Variants in ZFHX3 observed in about 807,000 individuals in gnomAD.
The protein encoded by ZFHX3 is zinc finger homeobox 3, also known as zinc finger homeobox protein 3.
Under a neutral mutation model 279.1 loss-of-function variants are expected in ZFHX3, and 42 were observed. The observed-to-expected ratio is 0.15, with a 90% CI of 0.12 to 0.19. The LOEUF is 0.19. Ranked by LOEUF, ZFHX3 falls within the 10% of genes least tolerant of loss-of-function variation. The pLI is 1.00. For missense variants in ZFHX3, 4,981 were observed against 4,754.0 expected (o/e 1.05, Z -1.40); for synonymous variants, 2,293 against 1,957.8 (o/e 1.17, Z -4.52).
intron 1 of ZFHX3, among the ~76,000 whole-genome samples, chr16:73,755,574 T>A (rs754319506): frequency 1.3e-5 from 2 of 152,160 alleles, no homozygotes; most frequent in Non-Finnish European, 2.9e-5. Flanking sequence ...AAATGCAGTA[T>A]CCTTATAACA....
At chr16:72,986,702 T>C (rs1468840172) in intron 1 of ZFHX3, among the ~76,000 whole-genome samples, 2 of 152,194 alleles carry the variant, frequency 1.3e-5, no homozygotes, top group Non-Finnish European at 2.9e-5. Flanking sequence ...TATTTTTCAA[T>C]ATAAGTAGGC....
chr16:72,899,847 T>C (rs1028534771), intron 3 of ZFHX3, among the ~76,000 whole-genome samples: 1 of 152,200 alleles, frequency 6.6e-6, no homozygotes, highest in Non-Finnish European at 1.5e-5. Flanking sequence ...CTATTACTAA[T>C]GTTATTTTTC....
chr16:73,781,802 C>A (rs1959482483), intron 1 of ZFHX3, among the ~76,000 whole-genome samples: 1 of 152,130 alleles, frequency 6.6e-6, no homozygotes, highest in Non-Finnish European at 1.5e-5. Flanking sequence ...GCCTGACCAA[C>A]ATAGTGAAAC....
In ZFHX3 at chr16:72,861,475, C is replaced by T. The variant is rs545542138; in HGVS notation, c.3448+28256G>A. On this transcript the variant is annotated intron_variant, in intron 4 of 9. Coordinates refer to ENST00000268489, the MANE Select transcript of ZFHX3 (RefSeq NM_006885.4). ...GAAAAAGAGACTGTTTCCCCATCCACGTGCACATTTCATTACACCAGTGAA... is the reference window on the plus strand; with the variant it reads ...GAAAAAGAGACTGTTTCCCCATCCATGTGCACATTTCATTACACCAGTGAA... Among the ~76,000 whole-genome samples the T allele has an allele frequency of 4.6e-5, 7 of 152,226 alleles. No individual in the cohort carries two copies. In the East Asian group the frequency reaches 9.7e-4, roughly 21 times the overall value.
At chr16:73,441,278 A>G (rs530038553) in intron 3 of ZFHX3, among the ~76,000 whole-genome samples, 120 of 152,334 alleles carry the variant, frequency 7.9e-4, no homozygotes, top group African/African-American at 2.6e-3. Flanking sequence ...AATAAAGGGT[A>G]TAATAATTAC....
intron 5 of ZFHX3, among the ~76,000 whole-genome samples, chr16:73,230,141 T>C (rs1414703046): frequency 6.6e-6 from 1 of 152,182 alleles, no homozygotes; most frequent in Non-Finnish European, 1.5e-5. Flanking sequence ...GATGAATAGA[T>C]GACTTGGAAG....
At chr16:73,235,677 A>G (rs1300877054) in intron 5 of ZFHX3, among the ~76,000 whole-genome samples, 2 of 148,522 alleles carry the variant, frequency 1.3e-5, no homozygotes, top group Non-Finnish European at 3.0e-5. Context: ...AAATATATCA[A>G]TTGTTTTTTT....
Position 73,389,760 on chromosome 16 carries a change from G to C in ZFHX3, c.-1291+66243C>G, listed in dbSNP as rs1002855829. 1.3e-5 allele frequency among the ~76,000 whole-genome samples: 2 copies of C among 152,206 alleles called. 1 individual carries two copies. The highest frequency in any genetic ancestry group is 4.1e-4 in the South Asian group (2 of 4,828). Reference sequence around the variant, plus strand: ...TGGGGCCAGTCAGGAAAAGGGGGACGATCCTTTTTGAAAAATCGGCCAGGC... The same window carrying C: ...TGGGGCCAGTCAGGAAAAGGGGGACCATCCTTTTTGAAAAATCGGCCAGGC... On this transcript the variant is annotated intron_variant, in intron 3 of 17. Transcript: ENST00000641206.
intron 2 of ZFHX3, among the ~76,000 whole-genome samples, chr16:73,508,337 A>G (rs531640761): frequency 6.6e-6 from 1 of 152,124 alleles, no homozygotes; most frequent in East Asian, 1.9e-4. Flanking sequence ...CTCTTTACTC[A>G]TCTAAAAAGA....
At chr16:73,422,599 T>C (rs763471229) in intron 3 of ZFHX3, among the ~76,000 whole-genome samples, 5 of 152,214 alleles carry the variant, frequency 3.3e-5, no homozygotes, top group Non-Finnish European at 7.3e-5. Flanking sequence ...GCCTCATGAC[T>C]TCTTAGCACC....
intron 7 of ZFHX3, among the ~76,000 whole-genome samples, chr16:72,800,446 A>T (rs2036061542): frequency 6.6e-6 from 1 of 152,236 alleles, no homozygotes; most frequent in Non-Finnish European, 1.5e-5. Context: ...CTTCTTGTGC[A>T]ACCAATTAGG....
intron 7 of ZFHX3, among the ~76,000 whole-genome samples, chr16:73,097,817 T>C (rs1379965250): frequency 1.3e-5 from 2 of 152,234 alleles, no homozygotes; most frequent in African/African-American, 2.4e-5. Context: ...TTCACATAAA[T>C]GGCGCTGTAC....
At chr16:73,786,659 T>C (rs1597115178) in intron 1 of ZFHX3, among the ~76,000 whole-genome samples, 2 of 152,178 alleles carry the variant, frequency 1.3e-5, no homozygotes, top group Non-Finnish European at 2.9e-5. Context: ...TTCATTCCCA[T>C]GTGCATGGAA....
intron 7 of ZFHX3, among the ~76,000 whole-genome samples, chr16:73,109,430 A>T (rs1448265934): frequency 2.6e-5 from 4 of 152,142 alleles, no homozygotes; most frequent in Non-Finnish European, 4.4e-5. Flanking sequence ...GGCCATCTCC[A>T]CCCGTTTCTT....
At position 72,787,702 on chromosome 16, in the gene ZFHX3, C is replaced by T; in HGVS notation, c.10574G>A (p.Gly3525Asp). 1 of 1,317,882 alleles carries T rather than the reference C, an allele frequency of 7.6e-7. No homozygotes were observed. Among genetic ancestry groups the T allele is most frequent in the Non-Finnish European group, 1.0e-6 (1 of 1,003,390 alleles). The allele number at this position is 1,317,882 out of a possible 1,614,324, so 81.6% of individuals were successfully genotyped here. A position where few individuals can be genotyped will look rare whatever the true frequency, so the allele number is the denominator to read the frequency against. Residue 3525 changes from glycine to aspartate, a missense_variant, in exon 10 of 10, where the codon GGC becomes GAC. Gly to Asp is a moderately conservative substitution (Grantham distance 94). Around this residue, in one of 7 missense-constraint regions of ZFHX3, gnomAD observed 1,034 missense variants for 786.0 expected, o/e 1.32. Coordinates refer to ENST00000268489, the MANE Select transcript of ZFHX3 (RefSeq NM_006885.4). ...GGGGGGGGGG[G>D]GGSYHCLACE... is the part of the protein sequence containing the mutation. Reference sequence around the variant, plus strand: ...CGCCAGGCAGTGGTACGAGCCGCCGCCGCCGCCGCCGCCGCCACCGCCGCC... The same window carrying T: ...CGCCAGGCAGTGGTACGAGCCGCCGTCGCCGCCGCCGCCGCCACCGCCGCC...
At chr16:72,978,208 C>T (rs1333176699) in intron 1 of ZFHX3, among the ~76,000 whole-genome samples, 7 of 152,146 alleles carry the variant, frequency 4.6e-5, no homozygotes, top group African/African-American at 7.2e-5. Flanking sequence ...CGAGCATTCA[C>T]GACCCAGCCC....
chr16:73,274,639 T>C (rs1297873755), intron 4 of ZFHX3, among the ~76,000 whole-genome samples: 2 of 152,264 alleles, frequency 1.3e-5, no homozygotes, highest in Non-Finnish European at 2.9e-5. Flanking sequence ...TTTAAGTCTA[T>C]GTCTGGATTC....
intron 2 of ZFHX3, among the ~76,000 whole-genome samples, chr16:73,646,031 A>G (rs772083674): frequency 3.3e-5 from 5 of 152,206 alleles, no homozygotes; most frequent in Non-Finnish European, 7.3e-5. Flanking sequence ...AGCCTTTTGG[A>G]TGGGAAATTT....
At chr16:72,936,463 T>C (rs1960131268) in intron 3 of ZFHX3, among the ~76,000 whole-genome samples, 1 of 152,168 alleles carries the variant, frequency 6.6e-6, no homozygotes, top group Non-Finnish European at 1.5e-5. Context: ...TTATCTTGAG[T>C]GAAGTGATGG....
Sources: allele counts gnomAD v4.1 joint callset (sites outside exome capture counted in the v4.1 genomes callset), GRCh38; gene constraint gnomAD v4.1.1; regional missense constraint gnomAD v4.1.1; transcripts MANE v1.5; gene names NCBI Gene and HGNC (gene_info 2026-07-23, HGNC 2026-07-21).